The following EDNRB variants were observed in gnomAD, a reference collection of about 807,000 sequenced individuals.
The protein encoded by EDNRB is endothelin receptor type B.
EDNRB carries 18 observed loss-of-function variants against 46.4 expected under a neutral mutation model. The ratio of observed to expected loss-of-function variants is 0.39; its 90% CI spans 0.27 to 0.57. The LOEUF (loss-of-function observed/expected upper bound fraction) is 0.57. Ranked by LOEUF, EDNRB falls within the 20% of genes least tolerant of loss-of-function variation. The probability of loss-of-function intolerance (pLI) is 0.61; values close to 1 mark genes in which losing one functional copy is unlikely to be tolerated. For synonymous variants in EDNRB, 213 were observed against 204.9 expected (o/e 1.04, Z -0.34); for missense variants, 434 against 537.5 (o/e 0.81, Z 1.90).
chr13:77,957,654 T>G (rs1190245567), intron 1 of EDNRB, among the ~76,000 whole-genome samples: 2 of 152,228 alleles, frequency 1.3e-5, no homozygotes, highest in South Asian at 2.1e-4. Context: ...TAATAATTGT[T>G]GAATAAATGT....
upstream of EDNRB, among the ~76,000 whole-genome samples, chr13:77,924,736 T>C (rs1037245939): frequency 1.3e-5 from 2 of 152,170 alleles, no homozygotes; most frequent in Non-Finnish European, 2.9e-5. Context: ...TTCCCATGTA[T>C]TGTGGGAGGG....
chr13:77,945,156 C>T lies in EDNRB; in HGVS notation c.-51-26532G>A, dbSNP rs375278789. On this transcript the variant is annotated intron_variant, in intron 1 of 7. Coordinates refer to the EDNRB transcript ENST00000646948. Reference sequence around the variant, plus strand: ...CAATTTCAGTCTCAGGGTTGCATGGCTTCACTGAGGTGTACATGTGTACAT... The same window carrying T: ...CAATTTCAGTCTCAGGGTTGCATGGTTTCACTGAGGTGTACATGTGTACAT... Among the ~76,000 whole-genome samples the T allele has an allele frequency of 8.5e-5, 13 of 152,248 alleles. No homozygotes were observed. In the East Asian group the frequency reaches 1.5e-3, roughly 18 times the overall value.
intron 1 of EDNRB, among the ~76,000 whole-genome samples, chr13:77,930,042 CGTA>C (rs1566323513): frequency 1.3e-5 from 2 of 152,146 alleles, no homozygotes; most frequent in African/African-American, 4.8e-5. Flanking sequence ...ATGGAATTCT[CGTA>C]GTTATGGATT....
chr13:77,952,451 G>A (rs761062520), intron 1 of EDNRB, among the ~76,000 whole-genome samples: 8 of 152,162 alleles, frequency 5.3e-5, no homozygotes, highest in Non-Finnish European at 1.2e-4. Flanking sequence ...TCCCTTAACT[G>A]CAAACATCTG....
chr13:77,909,576 G>A (rs1481118592), intron 1 of EDNRB, among the ~76,000 whole-genome samples: 1 of 151,966 alleles, frequency 6.6e-6, no homozygotes, highest in African/African-American at 2.4e-5. Flanking sequence ...AACATAGATA[G>A]CATTTTCTTT....
chr13:77,899,131 C>T (rs1878791669), intron 6 of EDNRB, among the ~76,000 whole-genome samples: 1 of 151,814 alleles, frequency 6.6e-6, no homozygotes, highest in South Asian at 2.1e-4. Flanking sequence ...TGGAAGTTCT[C>T]TTCCAACTCT....
intron 1 of EDNRB, among the ~76,000 whole-genome samples, chr13:77,937,733 A>G (rs1298840914): frequency 2.0e-5 from 3 of 147,750 alleles, no homozygotes; most frequent in Non-Finnish European, 4.6e-5. Flanking sequence ...GCTGAGGAAG[A>G]ATTGGGACCT....
At position 77,896,649 on chromosome 13, in the gene EDNRB, G is replaced by C; in HGVS notation, c.*1551C>G. The stretch of plus-strand genomic sequence containing the variant: ...CAATTTATTTCGAAAGTCACTCTGA[G>C]AACATTGCACTGTGTTTTGCTGGAA... On this transcript the variant is annotated 3_prime_UTR_variant, in exon 7 of 7. Coordinates refer to ENST00000646607, the MANE Select transcript of EDNRB (RefSeq NM_001122659.3). 1 of 1,507,806 alleles carries C rather than the reference G, an allele frequency of 6.6e-7. No homozygotes were observed. The highest frequency in any genetic ancestry group is 2.1e-5 in the Admixed American group (1 of 46,996). 93.4% of individuals were successfully genotyped at this position (1,507,806 alleles called of 1,614,324 possible). A position where few individuals can be genotyped will look rare whatever the true frequency, so the allele number is the denominator to read the frequency against.
intron 1 of EDNRB, among the ~76,000 whole-genome samples, chr13:77,917,364 G>A (rs1407160115): frequency 6.6e-6 from 1 of 152,176 alleles, no homozygotes; most frequent in African/African-American, 2.4e-5. Context: ...GCTACAGTCC[G>A]TCACAGCAGG....
At chr13:77,952,255 T>C (rs184728430) in intron 1 of EDNRB, among the ~76,000 whole-genome samples, 110 of 152,278 alleles carry the variant, frequency 7.2e-4, no homozygotes, top group African/African-American at 2.5e-3. Context: ...TGCTTATATA[T>C]GTGGGGGAGA....
At chr13:77,931,753 A>C (rs1040476946) in intron 1 of EDNRB, among the ~76,000 whole-genome samples, 8 of 138,154 alleles carry the variant, frequency 5.8e-5, no homozygotes, top group South Asian at 2.3e-4. Context: ...GCAAAAAAAA[A>C]AAAAAAACAA....
intron 1 of EDNRB, among the ~76,000 whole-genome samples, chr13:77,950,481 G>T (rs1433008168): frequency 6.6e-6 from 1 of 152,196 alleles, no homozygotes; most frequent in Non-Finnish European, 1.5e-5. Flanking sequence ...TGAACCTTCA[G>T]AGCTGACAGA....
Position 77,903,388 on chromosome 13 carries a change from A to C in EDNRB, c.597-28T>G, listed in dbSNP as rs372068750. The C allele has an allele frequency of 1.4e-5, 23 of 1,612,020 alleles. No homozygotes were observed. In the African/African-American group the frequency reaches 2.5e-4, roughly 18 times the overall value. On this transcript the variant is annotated intron_variant, in intron 2 of 6. Coordinates refer to ENST00000646607, the MANE Select transcript of EDNRB (RefSeq NM_001122659.3). ...GAAGATAAAAATAGAATTGTATTTT[A>C]AGCTGGCATACCTTAGTTTTATTGA...
At chr13:77,921,193 A>G (rs1390851066), upstream of EDNRB, among the ~76,000 whole-genome samples, 1 of 152,122 alleles carries the variant, frequency 6.6e-6, no homozygotes, top group East Asian at 1.9e-4. Context: ...GCACCATCCC[A>G]CTACCTGCCA....
At chr13:77,918,983 G>A (rs1879970275), upstream of EDNRB, 5 of 1,000,156 alleles carry the variant, frequency 5.0e-6, no homozygotes, top group Admixed American at 1.7e-4. The surrounding 1 kb of genome is among the most constrained non-coding windows in gnomAD (Gnocchi z 4.5). Context: ...TTAAGCGTGC[G>A]TGGGAACCGC....
In EDNRB at chr13:77,966,698, G is replaced by A. The variant is rs566371662; in HGVS notation, c.-52+8649C>T. On this transcript the variant is annotated intron_variant, in intron 1 of 7. Coordinates refer to the EDNRB transcript ENST00000646948. ...AAATAAAATTTGGAACTTCTTTTGC[G>A]CAGTTACTCTTTCAACATAGATAAG... is the stretch of plus-strand genomic sequence containing the variant. 1.2e-4 allele frequency among the ~76,000 whole-genome samples: 18 copies of A among 152,262 alleles called. 1 individual carries two copies. The highest frequency in any genetic ancestry group is 2.1e-4 in the South Asian group (1 of 4,834).
At position 77,913,631 on chromosome 13, in the gene EDNRB, G is replaced by A. The variant is rs116148010; in HGVS notation, c.483+4460C>T. Among the ~76,000 whole-genome samples, 816 of 152,232 alleles carry A rather than the reference G, an allele frequency of 5.4e-3. 11 individuals carry two copies. Among genetic ancestry groups the A allele is most frequent in the African/African-American group, 0.018 (756 of 41,552 alleles). On this transcript the variant is annotated intron_variant, in intron 1 of 6. Transcript: ENST00000646607. ...TTAATAAAATTCAGAAGTAATTTAAGAACTCACTATTTGCTCAAGAATTTT... is the reference window on the plus strand; with the variant it reads ...TTAATAAAATTCAGAAGTAATTTAAAAACTCACTATTTGCTCAAGAATTTT...
Position 77,903,142 on chromosome 13 carries a change from A to C in EDNRB, c.801+14T>G. On this transcript the variant is annotated intron_variant, in intron 3 of 6. Coordinates refer to ENST00000646607, the MANE Select transcript of EDNRB (RefSeq NM_001122659.3). Reference sequence around the variant, plus strand: ...GGCAAGAGCAGAAAGGAAAATAAAAAAAGTGAAATTTACCTGCATGAAAGC... The same window carrying C: ...GGCAAGAGCAGAAAGGAAAATAAAACAAGTGAAATTTACCTGCATGAAAGC... The C allele has an allele frequency of 1.2e-6, 2 of 1,612,404 alleles. No individual in the cohort carries two copies. Among genetic ancestry groups the C allele is most frequent in the South Asian group, 2.2e-5 (2 of 91,056 alleles).
chr13:77,937,948 C>T (rs932879336), intron 1 of EDNRB, among the ~76,000 whole-genome samples: 7 of 152,040 alleles, frequency 4.6e-5, no homozygotes, highest in Non-Finnish European at 8.8e-5. Context: ...CGACTGTTTG[C>T]ACATTTTACG....
Sources: gnomAD v4.1 joint callset for allele counts (sites outside exome capture counted in the v4.1 genomes callset) on GRCh38, gnomAD v4.1.1 for gene constraint, Gnocchi (gnomAD v3.1) non-coding constraint, MANE v1.5 for transcripts, NCBI Gene and HGNC (gene_info 2026-07-23, HGNC 2026-07-21) for gene names.